The following EYA1 variants were observed in gnomAD, a reference collection of about 807,000 sequenced individuals.
The protein encoded by EYA1 is protein phosphatase EYA1.
In EYA1, 16 loss-of-function variants were observed where a neutral mutation model predicts 82.0. The ratio of observed to expected loss-of-function variants is 0.20; its 90% CI spans 0.13 to 0.30. The LOEUF is 0.30. EYA1 is among the 10% of genes least tolerant of loss of function. The pLI, the probability that EYA1 is intolerant of heterozygous loss-of-function variation, is 1.00. For synonymous variants in EYA1, 261 were observed against 264.4 expected, an observed-to-expected ratio of 0.99 and a Z score of 0.12; for missense variants, 633 against 730.7, an observed-to-expected ratio of 0.87 and a Z score of 1.54.
chr8:71,397,656 C>G lies in EYA1; in HGVS notation c.34-41145G>C, dbSNP rs1829707896. 2.0e-5 allele frequency among the ~76,000 whole-genome samples: 3 copies of G among 152,212 alleles called. No individual in the cohort carries two copies. In the South Asian group the frequency reaches 6.2e-4, roughly 32 times the overall value. On this transcript the variant is annotated intron_variant, in intron 2 of 18. Coordinates refer to the EYA1 transcript ENST00000643681. ...GCTTATAGAGTTTCTGCTGAGAGAT[C>G]CACTGTTAGTCTGATGGGCTTCCCT... is the stretch of plus-strand genomic sequence containing the variant.
intron 2 of EYA1, among the ~76,000 whole-genome samples, chr8:71,525,678 T>A (rs535875982): frequency 6.6e-6 from 1 of 152,220 alleles, no homozygotes; most frequent in East Asian, 1.9e-4. Flanking sequence ...CAGTTAATGA[T>A]GTTTAATAGC....
intron 12 of EYA1, among the ~76,000 whole-genome samples, chr8:71,236,081 C>T (rs561406609): frequency 1.1e-3 from 160 of 152,188 alleles, no homozygotes; most frequent in African/African-American, 3.6e-3. Context: ...CACTCTGTCA[C>T]TCAGGCTGGA....
chr8:71,319,483 T>C (rs1055195883), intron 6 of EYA1, among the ~76,000 whole-genome samples: 1 of 152,022 alleles, frequency 6.6e-6, no homozygotes, highest in Non-Finnish European at 1.5e-5. Context: ...ATGGGGATCT[T>C]TGTGATAAGA....
intron 2 of EYA1, among the ~76,000 whole-genome samples, chr8:71,513,155 C>A (rs1409496854): frequency 6.6e-6 from 1 of 152,060 alleles, no homozygotes; most frequent in Non-Finnish European, 1.5e-5. Flanking sequence ...GCATATAGCT[C>A]TTCTTGAAAA....
At chr8:71,417,288 C>T (rs1830905168) in intron 2 of EYA1, among the ~76,000 whole-genome samples, 2 of 152,160 alleles carry the variant, frequency 1.3e-5, no homozygotes, top group South Asian at 4.1e-4. Context: ...AATACAACCC[C>T]TAATTTTATA....
intron 11 of EYA1, among the ~76,000 whole-genome samples, chr8:71,266,955 A>G (rs1307488144): frequency 6.6e-6 from 1 of 152,176 alleles, no homozygotes; most frequent in Non-Finnish European, 1.5e-5. Context: ...TCATTTCTAA[A>G]TCCAGTTCTC....
intron 4 of EYA1, among the ~76,000 whole-genome samples, chr8:71,327,021 TAA>T (rs764868166): frequency 1.3e-5 from 2 of 152,214 alleles, no homozygotes; most frequent in Non-Finnish European, 2.9e-5. Context: ...CCCTGTCCTC[TAA>T]AAGAGACTCC....
At chr8:71,228,187 A>C (rs926663748) in intron 12 of EYA1, among the ~76,000 whole-genome samples, 4 of 152,168 alleles carry the variant, frequency 2.6e-5, no homozygotes, top group African/African-American at 4.8e-5. Context: ...GGCGGCGAGG[A>C]GAGGACCTTG....
chr8:71,384,813 G>C (rs1029854997), intron 2 of EYA1, among the ~76,000 whole-genome samples: 1 of 152,044 alleles, frequency 6.6e-6, no homozygotes, highest in Non-Finnish European at 1.5e-5. Context: ...TAGATGAAAT[G>C]CATCTTACTC....
At chr8:71,483,244 C>T (rs1810307902) in intron 2 of EYA1, among the ~76,000 whole-genome samples, 1 of 152,186 alleles carries the variant, frequency 6.6e-6, no homozygotes, top group Admixed American at 6.5e-5. Context: ...GAATGTTCTT[C>T]CTCGAGATAG....
chr8:71,352,878 T>C (rs1343619654), intron 3 of EYA1, among the ~76,000 whole-genome samples: 1 of 152,200 alleles, frequency 6.6e-6, no homozygotes, highest in Non-Finnish European at 1.5e-5. Flanking sequence ...GGGGGAACCC[T>C]AAACACACAC....
At chr8:71,484,921 G>T (rs1364825552) in intron 2 of EYA1, among the ~76,000 whole-genome samples, 1 of 152,206 alleles carries the variant, frequency 6.6e-6, no homozygotes, top group African/African-American at 2.4e-5. Flanking sequence ...AGCCACGCCT[G>T]TGAAATTCTT....
chr8:71,547,553 G>A (rs1815744980), intron 1 of EYA1: 1 of 152,070 alleles, frequency 6.6e-6, no homozygotes, highest in African/African-American at 2.4e-5. Context: ...CTGCCCGGGC[G>A]GGCTGGGGCT....
chr8:71,516,761 C>T (rs571190427), intron 2 of EYA1, among the ~76,000 whole-genome samples: 1 of 152,142 alleles, frequency 6.6e-6, no homozygotes, highest in African/African-American at 2.4e-5. Context: ...GACAACTTCT[C>T]CTCTAAAAAT....
intron 2 of EYA1, among the ~76,000 whole-genome samples, chr8:71,367,810 G>A (rs1463149899): frequency 6.6e-6 from 1 of 152,134 alleles, no homozygotes; most frequent in Non-Finnish European, 1.5e-5. Context: ...TTTTACTTTA[G>A]TATACTATGG....
intron 9 of EYA1, among the ~76,000 whole-genome samples, chr8:71,294,230 C>T (rs184813015): frequency 6.6e-6 from 1 of 152,076 alleles, no homozygotes; most frequent in Non-Finnish European, 1.5e-5. Context: ...GAGGCCGAGG[C>T]GGGTGGATCA....
chr8:71,210,345 C>G (rs543273593), intron 17 of EYA1, among the ~76,000 whole-genome samples: 1 of 152,150 alleles, frequency 6.6e-6, no homozygotes, highest in African/African-American at 2.4e-5. Flanking sequence ...TCCAAGGAGA[C>G]ACAACAGGAA....
chr8:71,236,075 C>CT (rs1474905289), intron 12 of EYA1, among the ~76,000 whole-genome samples: 5 of 152,142 alleles, frequency 3.3e-5, no homozygotes, highest in African/African-American at 4.8e-5. Context: ...TAGTCTCACT[C>CT]TGTCACTCAG....
chr8:71,199,288 G>A lies in EYA1; in HGVS notation c.*52C>T. The A allele has an allele frequency of 7.4e-7, 1 of 1,353,216 alleles. No homozygotes were observed. Among genetic ancestry groups the A allele is most frequent in the South Asian group, 1.2e-5 (1 of 82,428 alleles). 83.8% of individuals were successfully genotyped at this position (1,353,216 alleles called of 1,614,324 possible). A position where few individuals can be genotyped will look rare whatever the true frequency, so the allele number is the denominator to read the frequency against. On this transcript the variant is annotated 3_prime_UTR_variant, in exon 18 of 18. Coordinates refer to ENST00000340726, the MANE Select transcript of EYA1 (RefSeq NM_000503.6). ...GCTGATGCGAGACTGGGGCCTGCTG[G>A]ATCTGTCCCTGGTCACAGAGCAGCT... is the stretch of plus-strand genomic sequence containing the variant.
Sources: allele counts gnomAD v4.1 joint callset (sites outside exome capture counted in the v4.1 genomes callset), GRCh38; gene constraint gnomAD v4.1.1; transcripts MANE v1.5; gene names NCBI Gene and HGNC (gene_info 2026-07-23, HGNC 2026-07-21).